Variants in SND1 observed in about 807,000 individuals in gnomAD.
SND1 encodes staphylococcal nuclease and tudor domain containing 1.
Under a neutral mutation model 121.7 loss-of-function variants are expected in SND1, and 38 were observed. That is an observed-to-expected ratio of 0.31 (90% CI 0.24 to 0.41). The LOEUF is 0.41. Among genes scored for constraint, SND1 ranks in the 10% least tolerant of loss-of-function variants. SND1 has a pLI of 1.00. For missense variants in SND1, 868 were observed against 1,184.6 expected (o/e 0.73, Z 3.92); for synonymous variants, 401 against 447.4 (o/e 0.90, Z 1.31).
intron 11 of SND1, among the ~76,000 whole-genome samples, chr7:127,841,599 C>T (rs1798966567): frequency 6.6e-6 from 1 of 152,126 alleles, no homozygotes; most frequent in Non-Finnish European, 1.5e-5. Context: ...GAGGAGAGTT[C>T]CAGGGTGTAT....
chr7:128,054,718 C>T (rs1793106379), intron 16 of SND1, among the ~76,000 whole-genome samples: 1 of 152,178 alleles, frequency 6.6e-6, no homozygotes, highest in South Asian at 2.1e-4. Context: ...CTTTTCTCCC[C>T]ACACATGAGG....
At position 127,679,678 on chromosome 7, in the gene SND1, G is replaced by C. The variant is rs141101114; in HGVS notation, c.79-6935G>C. ...CTGCACATTTCATATAATGGGAACA[G>C]TTCAGTATGTGGCCATTTGTGTCTG... is the stretch of plus-strand genomic sequence containing the variant. On this transcript the variant is annotated intron_variant, in intron 1 of 23. Transcript: ENST00000354725. Among the ~76,000 whole-genome samples the C allele has an allele frequency of 4.3e-4, 65 of 152,312 alleles. 1 individual carries two copies. In the East Asian group the frequency reaches 0.011, roughly 25 times the overall value.
At chr7:127,860,468 T>A (rs1799355743) in intron 12 of SND1, among the ~76,000 whole-genome samples, 1 of 152,224 alleles carries the variant, frequency 6.6e-6, no homozygotes, top group African/African-American at 2.4e-5. Context: ...AAATAGTTAA[T>A]TCTTAGTGAT....
chr7:127,853,978 G>T (rs2116666780), intron 12 of SND1, among the ~76,000 whole-genome samples: 1 of 152,232 alleles, frequency 6.6e-6, no homozygotes, highest in South Asian at 2.1e-4. Context: ...CCCTTGGAGT[G>T]CTCTTACTTC....
At chr7:127,965,068 G>T (rs1336735078) in intron 15 of SND1, among the ~76,000 whole-genome samples, 1 of 49,080 alleles carries the variant, frequency 2.0e-5, no homozygotes, top group Non-Finnish European at 3.7e-5. Flanking sequence ...TCTGTTGTTG[G>T]TGTATAGGAA....
At chr7:127,854,071 T>C (rs1799223121) in intron 12 of SND1, among the ~76,000 whole-genome samples, 1 of 152,234 alleles carries the variant, frequency 6.6e-6, no homozygotes, top group South Asian at 2.1e-4. Flanking sequence ...TCTGATGTGC[T>C]GCTAACACAC....
chr7:128,061,158 G>A (rs1793224758), intron 16 of SND1, among the ~76,000 whole-genome samples: 1 of 152,212 alleles, frequency 6.6e-6, no homozygotes, highest in African/African-American at 2.4e-5. Context: ...TAACGGAATT[G>A]TATTTGGGAC....
intron 15 of SND1, among the ~76,000 whole-genome samples, chr7:127,929,692 T>C (rs1057442906): frequency 1.3e-5 from 2 of 152,156 alleles, no homozygotes; most frequent in African/African-American, 4.8e-5. Flanking sequence ...GCTATGTTAG[T>C]TGTGGGGAGG....
chr7:127,927,994 ACT>A (rs1212560727), intron 14 of SND1: 1 of 152,132 alleles, frequency 6.6e-6, no homozygotes, highest in Non-Finnish European at 1.5e-5. Flanking sequence ...AAATCCAGTG[ACT>A]ATTCCCCTAG....
chr7:127,989,150 C>G (rs142939626), intron 15 of SND1, among the ~76,000 whole-genome samples: 34 of 152,330 alleles, frequency 2.2e-4, no homozygotes, highest in Non-Finnish European at 4.4e-4. Flanking sequence ...TTCCACCCCT[C>G]CCTTGCAGGC....
intron 10 of SND1, among the ~76,000 whole-genome samples, chr7:127,790,213 G>C (rs187585457): frequency 5.6e-4 from 85 of 152,226 alleles, no homozygotes; most frequent in Non-Finnish European, 1.1e-3. Flanking sequence ...CCTTGTCATC[G>C]AGTGGTGAGG....
intron 12 of SND1, among the ~76,000 whole-genome samples, chr7:127,861,330 A>G (rs1799374444): frequency 6.6e-6 from 1 of 152,134 alleles, no homozygotes; most frequent in African/African-American, 2.4e-5. Flanking sequence ...GCCTGTTTCC[A>G]TTTTGGTTTG....
chr7:128,058,803 T>C (rs1386791652), intron 16 of SND1, among the ~76,000 whole-genome samples: 1 of 152,174 alleles, frequency 6.6e-6, no homozygotes, highest in Non-Finnish European at 1.5e-5. Flanking sequence ...TTATACATGT[T>C]GTTCAGGTTC....
At chr7:128,053,891 C>G (rs1793091202) in intron 16 of SND1, among the ~76,000 whole-genome samples, 1 of 152,198 alleles carries the variant, frequency 6.6e-6, no homozygotes. Flanking sequence ...TCCCCGACCC[C>G]AGGCCTGTGG....
At chr7:127,828,322 C>A (rs1798680110) in intron 11 of SND1, among the ~76,000 whole-genome samples, 3 of 152,048 alleles carry the variant, frequency 2.0e-5, no homozygotes, top group Middle Eastern at 3.4e-3. Context: ...ATTTCCTATA[C>A]CTTCTGGTTG....
intron 11 of SND1, among the ~76,000 whole-genome samples, chr7:127,827,658 C>T (rs1424574739): frequency 6.6e-6 from 1 of 152,120 alleles, no homozygotes; most frequent in Non-Finnish European, 1.5e-5. Flanking sequence ...GATGCATATT[C>T]ACAGGAATTA....
Position 127,887,992 on chromosome 7 carries a change from A to G in SND1, c.1434A>G (p.Glu478=). 6.2e-7 allele frequency: 1 copy of G among 1,611,586 alleles called. No homozygotes were observed. Among genetic ancestry groups the G allele is most frequent in the South Asian group, 1.1e-5 (1 of 91,016 alleles). Residue 478 remains glutamate, a synonymous_variant, in exon 13 of 24, where the codon GAA becomes GAG. Transcript: ENST00000354725. The part of the protein sequence containing the change: ...DDDQRSSHYD[E]LLAAEARAIK... Reference sequence around the variant, plus strand: ...ACCAGAGATCATCACACTACGATGAACTGCTTGCTGCAGAGGCCAGGTAAG... The same window carrying G: ...ACCAGAGATCATCACACTACGATGAGCTGCTTGCTGCAGAGGCCAGGTAAG...
At chr7:127,780,364 G>A (rs1797697532) in intron 10 of SND1, among the ~76,000 whole-genome samples, 3 of 152,188 alleles carry the variant, frequency 2.0e-5, no homozygotes, top group Admixed American at 2.0e-4. Context: ...GAAGCAGTGA[G>A]ATGGGTGCCT....
At chr7:127,692,562 T>C (rs712714) in intron 2 of SND1, 144,054 of 152,348 alleles carry the variant, frequency 0.95, 68,534 homozygotes, top group Non-Finnish European at 1. Context: ...CTCACTTCCA[T>C]AAGGGTTCTG....
Sources: gnomAD v4.1 joint callset for allele counts (sites outside exome capture counted in the v4.1 genomes callset) on GRCh38, gnomAD v4.1.1 for gene constraint, MANE v1.5 for transcripts, NCBI Gene and HGNC (gene_info 2026-07-23, HGNC 2026-07-21) for gene names.